The following ACSBG2 variants were observed in gnomAD, a reference collection of about 807,000 sequenced individuals.
ACSBG2 encodes acyl-CoA synthetase bubblegum family member 2.
Under a neutral mutation model 74.7 loss-of-function variants are expected in ACSBG2, and 62 were observed. The observed-to-expected ratio is 0.83, with a 90% CI of 0.68 to 1.03. ACSBG2 has a LOEUF of 1.03. Among genes scored for constraint, ACSBG2 ranks in the 50% least tolerant of loss-of-function variants. ACSBG2 has a pLI of 0.00. For synonymous variants in ACSBG2, 309 were observed against 294.1 expected (o/e 1.05, Z -0.52); for missense variants, 730 against 817.6 (o/e 0.89, Z 1.31).
chr19:6,178,373 CATT>C (rs112104021), intron 8 of ACSBG2, among the ~76,000 whole-genome samples: 11,484 of 150,944 alleles, frequency 0.076, 705 homozygotes, highest in African/African-American at 0.17. Context: ...ATATTCATTG[CATT>C]ATTATTATTA....
At chr19:6,161,335 G>C (rs373994118) in intron 6 of ACSBG2, 40 bp downstream of exon 6, 10 of 1,588,392 alleles carry the variant, frequency 6.3e-6, no homozygotes, top group East Asian at 4.5e-5. Context: ...GGGGAGGGCG[G>C]GGCCTTGCAA....
chr19:6,188,516 C>T (rs1221331227), intron 13 of ACSBG2, among the ~76,000 whole-genome samples: 1 of 152,120 alleles, frequency 6.6e-6, no homozygotes, highest in Non-Finnish European at 1.5e-5. Context: ...TAGCGGTGCC[C>T]AGCTACTCAG....
rs2089788849 is a variant in ACSBG2 at position 6,166,025 on chromosome 19, A to G, written c.738+10A>G. The stretch of plus-strand genomic sequence containing the variant: ...GCTCAGTCATGACAACGTACGCCAA[A>G]GTCCCTTTGCTCTGGAGTGGTGGCC... On this transcript the variant is annotated intron_variant, in intron 7 of 14. Coordinates refer to ENST00000588485, the MANE Select transcript of ACSBG2 (RefSeq NM_030924.5). The G allele has an allele frequency of 6.2e-7, 1 of 1,613,584 alleles. No homozygotes were observed. Among genetic ancestry groups the G allele is most frequent in the Non-Finnish European group, 8.5e-7 (1 of 1,179,766 alleles).
intron 2 of ACSBG2, among the ~76,000 whole-genome samples, chr19:6,143,383 C>A (rs199998471): frequency 2.0e-5 from 3 of 150,118 alleles, no homozygotes; most frequent in African/African-American, 4.9e-5. Flanking sequence ...GACTCTGTCT[C>A]AAAAAAACAA....
intron 5 of ACSBG2, among the ~76,000 whole-genome samples, chr19:6,160,322 G>A (rs1428160788): frequency 2.0e-5 from 3 of 151,228 alleles, no homozygotes; most frequent in Admixed American, 6.6e-5. Context: ...CCCAGGAGGC[G>A]GAGCTTGGAG....
rs1353537515 is a variant in ACSBG2, at chr19:6,180,316, A to G, written c.907-2435A>G. 6.6e-6 allele frequency among the ~76,000 whole-genome samples: 1 copy of G among 152,192 alleles called. No homozygotes were observed. The highest frequency in any genetic ancestry group is 2.1e-4 in the South Asian group (1 of 4,830). Reference sequence around the variant, plus strand: ...TCCCACACTCTCCATCAAGCAGGCTAAATCTTAGGGCCTTTGCACGTGCTT... The same window carrying G: ...TCCCACACTCTCCATCAAGCAGGCTGAATCTTAGGGCCTTTGCACGTGCTT... On this transcript the variant is annotated intron_variant, in intron 8 of 14. Coordinates refer to ENST00000588485, the MANE Select transcript of ACSBG2 (RefSeq NM_030924.5). This position sits in a 1 kb window ranked among gnomAD's most constrained non-coding sequence, Gnocchi z 4.3.
intron 13 of ACSBG2, among the ~76,000 whole-genome samples, chr19:6,188,856 C>T (rs1207876832): frequency 6.6e-6 from 1 of 152,068 alleles, no homozygotes; most frequent in Non-Finnish European, 1.5e-5. Flanking sequence ...AGTCAGCTCC[C>T]GTGGGGTCCT....
intron 3 of ACSBG2, among the ~76,000 whole-genome samples, chr19:6,151,029 G>A (rs937887843): frequency 1.3e-5 from 2 of 150,834 alleles, no homozygotes; most frequent in East Asian, 2.0e-4. Flanking sequence ...CAGGAGAATC[G>A]CTTGAACCCA....
intron 7 of ACSBG2, among the ~76,000 whole-genome samples, chr19:6,172,851 G>T (rs140982885): frequency 6.6e-6 from 1 of 152,178 alleles, no homozygotes; most frequent in South Asian, 2.1e-4. Context: ...AGATCATGAT[G>T]GGGTGCACTG....
At chr19:6,141,367 A>C (rs1032204960) in intron 1 of ACSBG2, 146 bp from the exon 2 acceptor site, 34 of 570,144 alleles carry the variant, frequency 6.0e-5, no homozygotes, top group Non-Finnish European at 1.1e-4. Flanking sequence ...CATGCCGGCC[A>C]CTCTCCTCTC....
intron 7 of ACSBG2, chr19:6,175,509 G>A (rs2090067796): frequency 6.6e-6 from 1 of 152,172 alleles, no homozygotes; most frequent in South Asian, 2.1e-4. Flanking sequence ...TGACATTTCA[G>A]CTGAGACTTA....
At chr19:6,158,745 T>G (rs1435045835) in intron 5 of ACSBG2, among the ~76,000 whole-genome samples, 1 of 152,142 alleles carries the variant, frequency 6.6e-6, no homozygotes, top group South Asian at 2.1e-4. Context: ...ACTGGCCATA[T>G]GTTTTCTCAC....
rs1294440384 is a variant in ACSBG2, at chr19:6,166,056, G to A, written c.738+41G>A. 1.9e-6 allele frequency: 3 copies of A among 1,609,594 alleles called. No individual in the cohort carries two copies. In the African/African-American group the frequency reaches 4.0e-5, roughly 22 times the overall value. ...TTTGCTCTGGAGTGGTGGCCTTTGG[G>A]CTGTTTCTCTTGTTGGCTTCCAGGG... On this transcript the variant is annotated intron_variant, in intron 7 of 14. Coordinates refer to ENST00000588485, the MANE Select transcript of ACSBG2 (RefSeq NM_030924.5).
chr19:6,184,855 A>C (rs1273015392), intron 10 of ACSBG2, among the ~76,000 whole-genome samples: 14 of 143,636 alleles, frequency 9.7e-5, no homozygotes, highest in African/African-American at 3.4e-4. Context: ...AAAAAAAAAA[A>C]AAAAAAAAAA....
intron 2 of ACSBG2, among the ~76,000 whole-genome samples, chr19:6,142,830 G>A (rs1275226861): frequency 6.6e-6 from 1 of 151,914 alleles, no homozygotes; most frequent in Non-Finnish European, 1.5e-5. Context: ...ACACATTCAA[G>A]GAGAGGGAGT....
In ACSBG2 at chr19:6,190,153, T is replaced by C. The variant is rs1345028985; in HGVS notation, c.1928-431T>C. ...TCAATGCCCCTGGTGACTCAGAGGCTTTCAATGAAAGTCCTGGGCTCAGGG... is the reference window on the plus strand; with the variant it reads ...TCAATGCCCCTGGTGACTCAGAGGCCTTCAATGAAAGTCCTGGGCTCAGGG... On this transcript the variant is annotated intron_variant, in intron 13 of 14. Coordinates refer to ENST00000588485, the MANE Select transcript of ACSBG2 (RefSeq NM_030924.5). 3 of 179,002 alleles carry C rather than the reference T, an allele frequency of 1.7e-5. No homozygotes were observed. The East Asian group carries it at 4.1e-4, about 24-fold the overall frequency. 11.1% of individuals were successfully genotyped at this position (179,002 alleles called of 1,614,324 possible). A position where few individuals can be genotyped will look rare whatever the true frequency, so the allele number is the denominator to read the frequency against.
intron 4 of ACSBG2, among the ~76,000 whole-genome samples, chr19:6,155,180 G>A (rs1007765868): frequency 1.3e-5 from 2 of 152,014 alleles, no homozygotes; most frequent in Non-Finnish European, 1.5e-5. Flanking sequence ...ATGCATACAT[G>A]GTCACTGGCT....
chr19:6,190,588 A>G lies in ACSBG2; in HGVS notation c.1932A>G (p.Pro644=), dbSNP rs35521854. 26,244 of 1,613,468 alleles carry G rather than the reference A, an allele frequency of 0.016. 528 individuals carry two copies. Among genetic ancestry groups the G allele is most frequent in the African/African-American group, 0.1 (7,720 of 74,946 alleles). Residue 644 remains proline (P), a synonymous_variant, in exon 14 of 15, where the codon CCA becomes CCG. Transcript: ENST00000588485. ...TGATTTCTCCTTTCTCGATAGGTCCAATGATGAAACTTAAGAGACATTTTG... is the reference window on the plus strand; with the variant it reads ...TGATTTCTCCTTTCTCGATAGGTCCGATGATGAAACTTAAGAGACATTTTG... The part of the protein sequence containing the change: ...DFSIYGGELG[P]MMKLKRHFVA...
chr19:6,141,936 C>T (rs1390328427), intron 2 of ACSBG2, among the ~76,000 whole-genome samples: 1 of 152,016 alleles, frequency 6.6e-6, no homozygotes, highest in Non-Finnish European at 1.5e-5. Flanking sequence ...TCGCTATGTT[C>T]CCCAGGCTGG....
Sources: allele counts gnomAD v4.1 joint callset (sites outside exome capture counted in the v4.1 genomes callset), GRCh38; gene constraint gnomAD v4.1.1; non-coding constraint Gnocchi (gnomAD v3.1); transcripts MANE v1.5; gene names NCBI Gene and HGNC (gene_info 2026-07-23, HGNC 2026-07-21).